PTPRA: variants seen among roughly 807,000 people sequenced by gnomAD.
PTPRA encodes receptor-type tyrosine-protein phosphatase alpha.
Under a neutral mutation model 104.8 loss-of-function variants are expected in PTPRA, and 25 were observed. That is an observed-to-expected ratio of 0.24 (90% CI 0.17 to 0.33). The LOEUF (loss-of-function observed/expected upper bound fraction) is 0.33, where lower values mean the gene tolerates loss of function less well. Among genes scored for constraint, PTPRA ranks in the 10% least tolerant of loss-of-function variants. PTPRA has a pLI of 1.00. For missense variants in PTPRA, 765 were observed against 1,015.3 expected (o/e 0.75, Z 3.35); for synonymous variants, 323 against 368.9 (o/e 0.88, Z 1.43).
At chr20:2,964,737 G>A (rs2061884324) in intron 4 of PTPRA, 124 bp from the exon 5 acceptor site, 7 of 826,088 alleles carry the variant, frequency 8.5e-6, no homozygotes, top group Non-Finnish European at 1.3e-5. Flanking sequence ...TGGTGTTGAG[G>A]GGGATTGGTC....
intron 1 of PTPRA, among the ~76,000 whole-genome samples, chr20:2,886,611 G>A (rs972597626): frequency 5.9e-5 from 9 of 151,660 alleles, no homozygotes; most frequent in African/African-American, 1.9e-4. Flanking sequence ...TTGGGAGGCC[G>A]AGGCGGGCGG....
chr20:2,968,030 A>G lies in PTPRA; in HGVS notation c.415+2828A>G, dbSNP rs118002347. Among the ~76,000 whole-genome samples the G allele has an allele frequency of 3.3e-5, 5 of 152,242 alleles. No homozygotes were observed. In the East Asian group the frequency reaches 9.6e-4, roughly 29 times the overall value. On this transcript the variant is annotated intron_variant, in intron 5 of 23. Transcript: ENST00000399903. ...AGGCTTGTCGATCTCTAGGGCTACTACACAGATACATCAGCCTGAGATTTC... is the reference window on the plus strand; with the variant it reads ...AGGCTTGTCGATCTCTAGGGCTACTGCACAGATACATCAGCCTGAGATTTC...
chr20:2,957,452 G>GA (rs1253918454), intron 3 of PTPRA, among the ~76,000 whole-genome samples: 2 of 152,224 alleles, frequency 1.3e-5, no homozygotes, highest in African/African-American at 4.8e-5. Context: ...TAGTGGAATG[G>GA]TGGAACAAGA....
intron 16 of PTPRA, among the ~76,000 whole-genome samples, chr20:3,023,447 TC>T (rs1318601810): frequency 6.6e-6 from 1 of 152,232 alleles, no homozygotes; most frequent in East Asian, 1.9e-4. Context: ...TAAAACCCGA[TC>T]GTACATTCTA....
At chr20:3,003,756 G>A (rs2063738507) in intron 9 of PTPRA, among the ~76,000 whole-genome samples, 1 of 148,486 alleles carries the variant, frequency 6.7e-6, no homozygotes, top group South Asian at 2.1e-4. Flanking sequence ...GTGTTGCCCA[G>A]GCTGGTCTCA....
chr20:2,993,471 A>C (rs1361587536), intron 9 of PTPRA, among the ~76,000 whole-genome samples: 2 of 152,266 alleles, frequency 1.3e-5, no homozygotes, highest in African/African-American at 4.8e-5. Flanking sequence ...GAACCAGATC[A>C]CAACACAGAA....
intron 1 of PTPRA, among the ~76,000 whole-genome samples, chr20:2,917,931 A>G (rs1313949919): frequency 6.6e-6 from 1 of 151,888 alleles, no homozygotes; most frequent in East Asian, 1.9e-4. Flanking sequence ...TCTACTAAAA[A>G]TACAAAACTT....
chr20:2,957,141 C>G (rs2061564961), intron 3 of PTPRA, among the ~76,000 whole-genome samples: 1 of 152,104 alleles, frequency 6.6e-6, no homozygotes, highest in Non-Finnish European at 1.5e-5. Context: ...AAAAATTATC[C>G]AGGCGTGGTG....
chr20:2,886,890 G>C (rs2090421999), intron 1 of PTPRA, among the ~76,000 whole-genome samples: 1 of 122,020 alleles, frequency 8.2e-6, no homozygotes, highest in South Asian at 3.5e-4. Flanking sequence ...AAAAGAAAAA[G>C]AAATAAAAAA....
intron 18 of PTPRA, 64 bp downstream of exon 18, chr20:3,026,844 C>A: frequency 7.3e-7 from 1 of 1,367,632 alleles, no homozygotes. Flanking sequence ...CCACCCCTTC[C>A]ATTTCTCAGG....
rs2061303150 is a variant in PTPRA at position 2,950,127 on chromosome 20, A to G, written c.-7+2103A>G. Among the ~76,000 whole-genome samples the G allele has an allele frequency of 1.3e-5, 2 of 152,074 alleles. No homozygotes were observed. Among genetic ancestry groups the G allele is most frequent in the South Asian group, 2.1e-4 (1 of 4,824 alleles). On this transcript the variant is annotated intron_variant, in intron 3 of 23. Coordinates refer to ENST00000399903, the MANE Select transcript of PTPRA (RefSeq NM_001385305.1). This position sits in a 1 kb window ranked among gnomAD's most constrained non-coding sequence, Gnocchi z 4.0. Reference sequence around the variant, plus strand: ...AGTCACTCTTGTTTTCTCACCTATAATAGCATCTGGGTCCAGTGTTTTTTA... The same window carrying G: ...AGTCACTCTTGTTTTCTCACCTATAGTAGCATCTGGGTCCAGTGTTTTTTA...
intron 3 of PTPRA, among the ~76,000 whole-genome samples, chr20:2,949,469 T>G (rs2061278714): frequency 6.6e-6 from 1 of 152,044 alleles, no homozygotes; most frequent in African/African-American, 2.4e-5. Flanking sequence ...TTTTTAAAAT[T>G]TTTCGTAGAG....
intron 6 of PTPRA, among the ~76,000 whole-genome samples, chr20:2,984,881 C>T (rs774956862): frequency 2.1e-5 from 3 of 145,528 alleles, no homozygotes; most frequent in Non-Finnish European, 4.4e-5. Flanking sequence ...TATATTACTT[C>T]CTCAGAGAGA....
At chr20:3,027,879 C>A in intron 20 of PTPRA, 38 bp downstream of exon 20, 1 of 1,608,096 alleles carries the variant, frequency 6.2e-7, no homozygotes, top group Non-Finnish European at 8.5e-7. Flanking sequence ...GAGACAGAGA[C>A]AGCATGAAAA....
chr20:2,998,024 G>A (rs564237763), intron 9 of PTPRA, among the ~76,000 whole-genome samples: 1 of 152,174 alleles, frequency 6.6e-6, no homozygotes, highest in Admixed American at 6.5e-5. Flanking sequence ...AGCTACTCAG[G>A]GGGCTGAGGT....
intron 5 of PTPRA, among the ~76,000 whole-genome samples, chr20:2,966,440 C>G (rs1244901299): frequency 6.6e-6 from 1 of 152,178 alleles, no homozygotes; most frequent in Admixed American, 6.5e-5. Flanking sequence ...ATGGTAAGCA[C>G]TATTTTTAAG....
intron 1 of PTPRA, among the ~76,000 whole-genome samples, chr20:2,907,603 C>A (rs540885402): frequency 2.0e-5 from 3 of 152,300 alleles, no homozygotes; most frequent in African/African-American, 7.2e-5. Flanking sequence ...TCAATGATAA[C>A]GTATCTGAGA....
At chr20:3,003,354 G>A (rs1363459264) in intron 9 of PTPRA, among the ~76,000 whole-genome samples, 2 of 152,142 alleles carry the variant, frequency 1.3e-5, no homozygotes, top group Non-Finnish European at 2.9e-5. Flanking sequence ...TCAGTTTTGG[G>A]TCATTCTAAA....
chr20:2,962,124 A>G (rs141484144), intron 3 of PTPRA, among the ~76,000 whole-genome samples: 31 of 152,324 alleles, frequency 2.0e-4, no homozygotes, highest in African/African-American at 7.2e-4. Flanking sequence ...TATATTCACA[A>G]AATAACTTGC....
Sources: allele counts gnomAD v4.1 joint callset (sites outside exome capture counted in the v4.1 genomes callset), GRCh38; gene constraint gnomAD v4.1.1; non-coding constraint Gnocchi (gnomAD v3.1); transcripts MANE v1.5; gene names NCBI Gene and HGNC (gene_info 2026-07-23, HGNC 2026-07-21).